The following ZFYVE9 variants were observed in gnomAD, a reference collection of about 807,000 sequenced individuals.
The protein encoded by ZFYVE9 is zinc finger FYVE domain-containing protein 9.
ZFYVE9 carries 43 observed loss-of-function variants against 126.7 expected under a neutral mutation model. That is an observed-to-expected ratio of 0.34 (90% confidence interval 0.27 to 0.44). The LOEUF (loss-of-function observed/expected upper bound fraction) is 0.44, where lower values mean the gene tolerates loss of function less well. Among genes scored for constraint, ZFYVE9 ranks in the 20% least tolerant of loss-of-function variants. The pLI is 1.00. For synonymous variants in ZFYVE9, 521 were observed against 597.4 expected (o/e 0.87, Z 1.87); for missense variants, 1,476 against 1,697.0 (o/e 0.87, Z 2.29).
intron 10 of ZFYVE9, among the ~76,000 whole-genome samples, chr1:52,290,539 C>G (rs1031471044): frequency 2.0e-5 from 3 of 152,038 alleles, no homozygotes; most frequent in African/African-American, 7.2e-5. Flanking sequence ...ATTTTTTTCT[C>G]TTTGACAAAT....
At chr1:52,167,999 T>C (rs1168126014) in intron 1 of ZFYVE9, among the ~76,000 whole-genome samples, 2 of 152,172 alleles carry the variant, frequency 1.3e-5, no homozygotes, top group African/African-American at 4.8e-5. Flanking sequence ...AGTTGCATTA[T>C]AGTATTATAT....
intron 13 of ZFYVE9, among the ~76,000 whole-genome samples, chr1:52,325,307 G>A (rs569123047): frequency 4.7e-4 from 72 of 152,074 alleles, no homozygotes; most frequent in African/African-American, 1.6e-3. Flanking sequence ...TAGCCTGGGC[G>A]ACAGAGCGAG....
chr1:52,297,013 G>T lies in ZFYVE9; in HGVS notation c.3333+1036G>T, dbSNP rs146665075. ...GTAGAGAGAGCGTTTTGCTATGTTG[G>T]CCAGACTGATCTCAAACTCCTGGCC... On this transcript the variant is annotated intron_variant, in intron 12 of 18. Coordinates refer to ENST00000287727, the MANE Select transcript of ZFYVE9 (RefSeq NM_004799.4). Among the ~76,000 whole-genome samples, 357 of 152,068 alleles carry T rather than the reference G, an allele frequency of 2.3e-3. 3 individuals are homozygous for T. Among genetic ancestry groups the T allele is most frequent in the South Asian group, 3.3e-3 (16 of 4,818 alleles).
chr1:52,185,579 G>T (rs1644757228), intron 1 of ZFYVE9, among the ~76,000 whole-genome samples: 1 of 152,136 alleles, frequency 6.6e-6, no homozygotes. Flanking sequence ...ATAGAGTATT[G>T]CTAAGCACTT....
At chr1:52,219,749 T>TTG (rs56340178) in intron 2 of ZFYVE9, among the ~76,000 whole-genome samples, 11,508 of 113,178 alleles carry the variant, frequency 0.1, 594 homozygotes, top group Admixed American at 0.12. Context: ...CCAAGATCTT[T>TTG]TGTGTGTGTG....
chr1:52,205,178 A>G (rs1346874478), intron 1 of ZFYVE9, among the ~76,000 whole-genome samples: 1 of 149,256 alleles, frequency 6.7e-6, no homozygotes, highest in Admixed American at 6.8e-5. Flanking sequence ...GGGCTCAAGC[A>G]ATCTTCCCAC....
At chr1:52,201,830 C>T (rs1644926105) in intron 1 of ZFYVE9, among the ~76,000 whole-genome samples, 1 of 151,958 alleles carries the variant, frequency 6.6e-6, no homozygotes, top group Non-Finnish European at 1.5e-5. Flanking sequence ...GTCACCCAGG[C>T]TGGAGTGCAG....
At chr1:52,192,920 C>CT (rs1644828830) in intron 1 of ZFYVE9, among the ~76,000 whole-genome samples, 1 of 152,122 alleles carries the variant, frequency 6.6e-6, no homozygotes, top group South Asian at 2.1e-4. Flanking sequence ...AATAAGAAAT[C>CT]TTTGAGTACT....
In ZFYVE9 at chr1:52,238,080, A is replaced by C; in HGVS notation, c.663A>C (p.Thr221=). The change falls in exon 4 of 19, where the codon ACA becomes ACC. Residue 221 remains threonine, a synonymous_variant. Coordinates refer to ENST00000287727, the MANE Select transcript of ZFYVE9 (RefSeq NM_004799.4). ...KQMDPLNRPK[T]EGRSVNHLCP... Reference sequence around the variant, plus strand: ...TGGATCCATTGAATAGACCGAAAACAGAGGGGAGATCTGTTAACCATCTGT... The same window carrying C: ...TGGATCCATTGAATAGACCGAAAACCGAGGGGAGATCTGTTAACCATCTGT... The C allele has an allele frequency of 6.2e-7, 1 of 1,614,106 alleles. No individual in the cohort carries two copies. The highest frequency in any genetic ancestry group is 1.3e-5 in the African/African-American group (1 of 75,058).
chr1:52,269,169 G>T (rs768780429), intron 7 of ZFYVE9, among the ~76,000 whole-genome samples: 2 of 151,926 alleles, frequency 1.3e-5, no homozygotes, highest in Non-Finnish European at 2.9e-5. Flanking sequence ...AGTCTCTGTT[G>T]CCCGGGCTGC....
chr1:52,158,404 G>A (rs1644422600), intron 1 of ZFYVE9, among the ~76,000 whole-genome samples: 1 of 152,232 alleles, frequency 6.6e-6, no homozygotes, highest in Admixed American at 6.5e-5. Context: ...CCCCTGTGTT[G>A]CCTTGCAGGT....
At position 52,312,092 on chromosome 1, in the gene ZFYVE9, C is replaced by T. The variant is rs556114329; in HGVS notation, c.3438+8167C>T. On this transcript the variant is annotated intron_variant, in intron 13 of 18. Transcript: ENST00000287727. ...AGACATGAGCCACCACACCTGGCTT[C>T]ATTTGGTTAACTTATTGAACTTGTG... Among the ~76,000 whole-genome samples the T allele has an allele frequency of 9.2e-4, 140 of 152,226 alleles. 1 individual carries two copies. The highest frequency in any genetic ancestry group is 1.6e-3 in the Non-Finnish European group (110 of 67,996).
chr1:52,210,164 A>G (rs1166882224), intron 1 of ZFYVE9, among the ~76,000 whole-genome samples: 1 of 152,186 alleles, frequency 6.6e-6, no homozygotes, highest in African/African-American at 2.4e-5. Flanking sequence ...TTTATGAGAC[A>G]AGTGGATGAT....
intron 17 of ZFYVE9, among the ~76,000 whole-genome samples, chr1:52,341,358 C>T (rs1646436139): frequency 6.6e-6 from 1 of 152,210 alleles, no homozygotes; most frequent in African/African-American, 2.4e-5. Context: ...TATTAATTTG[C>T]TCCTTAACTT....
At chr1:52,260,600 T>C (rs1645569005) in intron 4 of ZFYVE9, among the ~76,000 whole-genome samples, 1 of 152,100 alleles carries the variant, frequency 6.6e-6, no homozygotes, top group Admixed American at 6.6e-5. Context: ...GCAGATCACC[T>C]GAGGTCAGGA....
chr1:52,297,082 A>C (rs1363232567), intron 12 of ZFYVE9, among the ~76,000 whole-genome samples: 3 of 152,068 alleles, frequency 2.0e-5, no homozygotes, highest in Non-Finnish European at 2.9e-5. Flanking sequence ...CTGGTATTAC[A>C]GGCATGAGCC....
chr1:52,179,183 G>A (rs149626969), intron 1 of ZFYVE9, among the ~76,000 whole-genome samples: 12 of 152,282 alleles, frequency 7.9e-5, no homozygotes, highest in African/African-American at 2.6e-4. Flanking sequence ...TTGGATGATT[G>A]AGTGTATCAT....
chr1:52,290,039 A>G (rs1645902805), intron 10 of ZFYVE9, among the ~76,000 whole-genome samples: 1 of 152,252 alleles, frequency 6.6e-6, no homozygotes, highest in African/African-American at 2.4e-5. Flanking sequence ...TTTGTGAAAT[A>G]TAAACATTAC....
rs752284762 is a variant in ZFYVE9, at chr1:52,281,789, G to C, written c.2998G>C (p.Val1000Leu). ...GCCAAAGGATATCTTTAATCACTTT[G>C]TGCAGCTTTATCGGGATGCTCTGGC... ...CLPKDIFNHF[V>L]QLYRDALAGN... The change falls in exon 10 of 19, where the codon GTG (valine) becomes CTG (leucine). Residue 1000 changes from valine (V) to leucine (L), a missense_variant. This residue lies in a region of ZFYVE9 where 669 missense variants were observed against 902.4 expected (regional missense o/e 0.74). Transcript: ENST00000287727. 1.2e-6 allele frequency: 2 copies of C among 1,614,150 alleles called. No individual in the cohort carries two copies. Among genetic ancestry groups the C allele is most frequent in the South Asian group, 2.2e-5 (2 of 91,092 alleles).
Sources: gnomAD v4.1 joint callset for allele counts (sites outside exome capture counted in the v4.1 genomes callset) on GRCh38, gnomAD v4.1.1 for gene constraint, gnomAD v4.1.1 regional missense constraint, MANE v1.5 for transcripts, NCBI Gene and HGNC (gene_info 2026-07-23, HGNC 2026-07-21) for gene names.